MMP3: variants seen among roughly 807,000 people sequenced by gnomAD.
MMP3 encodes stromelysin-1.
MMP3 carries 46 observed loss-of-function variants against 47.3 expected under a neutral mutation model. That is an observed-to-expected ratio of 0.97 (90% CI 0.77 to 1.24). MMP3 has a LOEUF of 1.24. Among genes scored for constraint, MMP3 ranks in the 50% most tolerant of loss-of-function variants. The pLI is 0.00. For missense variants in MMP3, 558 were observed against 565.5 expected (o/e 0.99, Z 0.13); for synonymous variants, 216 against 206.5 (o/e 1.05, Z -0.39).
intron 4 of MMP3, 65 bp from the exon 5 acceptor site, chr11:102,840,658 C>T: frequency 6.5e-7 from 1 of 1,534,820 alleles, no homozygotes; most frequent in South Asian, 1.2e-5. Context: ...CACAGGTCTG[C>T]TGTGCATTGT....
rs782328545 is a variant in MMP3 at position 102,836,189 on chromosome 11, C to T, written c.1371G>A (p.Glu457=). 3.7e-6 allele frequency: 6 copies of T among 1,613,850 alleles called. No individual in the cohort carries two copies. In the East Asian group the frequency reaches 1.3e-4, roughly 36 times the overall value. The change falls in exon 10 of 10, where the codon GAG becomes GAA. Residue 457 remains glutamate, a synonymous_variant. Transcript: ENST00000299855. This position sits in a 1 kb window ranked among gnomAD's most constrained non-coding sequence, Gnocchi z 4.6. The stretch of plus-strand genomic sequence containing the variant: ...TCACTTTCTTTGCATTTGGGTCAAA[C>T]TCCAACTGTGAAGATCCAGTAAAGA... ...FYFFTGSSQL[E]FDPNAKKVTH... is the part of the protein sequence containing the mutation.
At chr11:102,838,476 TG>T in intron 8 of MMP3, 74 bp downstream of exon 8, 2 of 1,472,562 alleles carry the variant, frequency 1.4e-6, no homozygotes, top group Non-Finnish European at 1.8e-6. Flanking sequence ...AAGGTTGGGG[TG>T]GGGGATTTCC....
At position 102,837,413 on chromosome 11, in the gene MMP3, A is replaced by G; in HGVS notation, c.1230-12T>C. 6.3e-7 allele frequency: 1 copy of G among 1,597,906 alleles called. No individual in the cohort carries two copies. The highest frequency in any genetic ancestry group is 1.3e-5 in the African/African-American group (1 of 74,710). On this transcript the variant is annotated splice_polypyrimidine_tract_variant and intron_variant, in intron 8 of 9. Transcript: ENST00000299855. The surrounding 1 kb of genome is among the most constrained non-coding windows in gnomAD (Gnocchi z 4.4). The stretch of plus-strand genomic sequence containing the variant: ...TCTTCTCATCAAATCTGTACCAAGT[A>G]AAAGAAACAGCTCAGCATTGCATAG...
chr11:102,840,282 C>G (rs369173244), intron 5 of MMP3, 30 bp from the exon 6 acceptor site: 469 of 1,608,008 alleles, frequency 2.9e-4, no homozygotes, highest in Non-Finnish European at 3.7e-4. Context: ...AAATGTGATA[C>G]GTTTCAATAT....
intron 4 of MMP3, among the ~76,000 whole-genome samples, chr11:102,840,865 G>A (rs1457819747): frequency 1.3e-5 from 2 of 149,054 alleles, no homozygotes; most frequent in African/African-American, 2.5e-5. Context: ...AGCCTCACAA[G>A]CATATTAACT....
At chr11:102,841,517 A>C (rs1555005406) in intron 4 of MMP3, among the ~76,000 whole-genome samples, 2 of 152,156 alleles carry the variant, frequency 1.3e-5, no homozygotes, top group African/African-American at 4.8e-5. Flanking sequence ...CTATTTTTTT[A>C]GAAGTAGTGT....
intron 4 of MMP3, 37 bp downstream of exon 4, chr11:102,842,117 T>A: frequency 1.3e-6 from 2 of 1,488,242 alleles, no homozygotes; most frequent in Non-Finnish European, 1.8e-6. Flanking sequence ...TATAAAAAAA[T>A]TAATGCCAAA....
In MMP3 at chr11:102,839,150, T is replaced by C. The variant is rs781939032; in HGVS notation, c.1029A>G (p.Ala343=). 1.3e-4 allele frequency: 213 copies of C among 1,614,018 alleles called. No individual in the cohort carries two copies. Among genetic ancestry groups the C allele is most frequent in the Non-Finnish European group, 1.7e-4 (200 of 1,179,992 alleles). ...CGAGGTCCTTGCTAGTAACTTCATATGCGGCATCCACGCCTGAAGGAAGAG... is the reference window on the plus strand; with the variant it reads ...CGAGGTCCTTGCTAGTAACTTCATACGCGGCATCCACGCCTGAAGGAAGAG... The part of the protein sequence containing the change: ...WPSLPSGVDA[A]YEVTSKDLVF... Residue 343 remains alanine, a synonymous_variant, in exon 7 of 10, where the codon GCA becomes GCG. Coordinates refer to ENST00000299855, the MANE Select transcript of MMP3 (RefSeq NM_002422.5).
At position 102,836,304 on chromosome 11, in the gene MMP3, T is replaced by C. The variant is rs533004793; in HGVS notation, c.1334-78A>G. ...TGACAATATACAAAACTCAGAATCA[T>C]AGAGAACTAAAAATAGAAAGTGTTT... On this transcript the variant is annotated intron_variant, in intron 9 of 9. Transcript: ENST00000299855. The surrounding 1 kb of genome is among the most constrained non-coding windows in gnomAD (Gnocchi z 4.6). 54 of 1,103,418 alleles carry C rather than the reference T, an allele frequency of 4.9e-5. No homozygotes were observed. The Admixed American group carries it at 5.8e-4, about 12-fold the overall frequency. The allele number at this position is 1,103,418 out of a possible 1,614,324, so 68.4% of individuals were successfully genotyped here.
intron 6 of MMP3, among the ~76,000 whole-genome samples, 198 bp from the exon 7 acceptor site, chr11:102,839,441 G>A (rs1285867241): frequency 6.6e-6 from 1 of 152,154 alleles, no homozygotes; most frequent in Non-Finnish European, 1.5e-5. Context: ...TCCCGTCATA[G>A]GTTTCCAGAG....
In MMP3 at chr11:102,842,773, A is replaced by G. The variant is rs114749974; in HGVS notation, c.249T>C (p.Thr83=). The part of the protein sequence containing the change: ...LEVTGKLDSD[T]LEVMRKPRCG... Reference sequence around the variant, plus strand: ...ACCTGGGCTTGCGCATCACCTCCAGAGTGTCGGAGTCCAGCTTCCCCGTCA... The same window carrying G: ...ACCTGGGCTTGCGCATCACCTCCAGGGTGTCGGAGTCCAGCTTCCCCGTCA... The change falls in exon 2 of 10, where the codon ACT becomes ACC. Residue 83 remains threonine, a synonymous_variant. Coordinates refer to ENST00000299855, the MANE Select transcript of MMP3 (RefSeq NM_002422.5). 5.5e-4 allele frequency: 889 copies of G among 1,613,942 alleles called. 8 individuals carry two copies. In the African/African-American group the frequency reaches 0.011, roughly 20 times the overall value.
chr11:102,837,565 G>T lies in MMP3; in HGVS notation c.1230-164C>A, dbSNP rs1858905604. On this transcript the variant is annotated intron_variant, in intron 8 of 9. Coordinates refer to ENST00000299855, the MANE Select transcript of MMP3 (RefSeq NM_002422.5). This position sits in a 1 kb window ranked among gnomAD's most constrained non-coding sequence, Gnocchi z 4.4. The stretch of plus-strand genomic sequence containing the variant: ...AGAAATATGTGACTTTAATGGTACT[G>T]TAAAGAGTTCTGAAAGCCATATCTC... 6.6e-6 allele frequency among the ~76,000 whole-genome samples: 1 copy of T among 152,112 alleles called. No homozygotes were observed. Among genetic ancestry groups the T allele is most frequent in the African/African-American group, 2.4e-5 (1 of 41,438 alleles).
Position 102,840,429 on chromosome 11 carries a change from C to T in MMP3, c.790G>A (p.Gly264Arg), listed in dbSNP as rs1565225315. Reference protein sequence around the residue: ...DDINGIQSLYGPPPDSPETPL... With the variant: ...DDINGIQSLYRPPPDSPETPL... ...GGCTGATTTTCCCAGTGTCACTCAC[C>T]ATAGAGGGACTGAATGCCATTTATA... is the stretch of plus-strand genomic sequence containing the variant. Residue 264 changes from glycine (G) to arginine (R), a missense_variant and splice_region_variant, in exon 5 of 10, where the codon GGA (glycine) becomes AGA (arginine). Coordinates refer to ENST00000299855, the MANE Select transcript of MMP3 (RefSeq NM_002422.5). The T allele has an allele frequency of 6.2e-7, 1 of 1,613,614 alleles. No homozygotes were observed.
rs1858871533 is a variant in MMP3 at position 102,835,906 on chromosome 11, C to T, written c.*220G>A. On this transcript the variant is annotated 3_prime_UTR_variant, in exon 10 of 10. Transcript: ENST00000299855. ...CTTCCCCTTCTCTTGGGAAAGATCA[C>T]TCTATGTGACAAGGTGCAAGCTAAG... The T allele has an allele frequency of 1.0e-5, 5 of 491,886 alleles. No homozygotes were observed. The highest frequency in any genetic ancestry group is 6.8e-5 in the Admixed American group (2 of 29,600). The allele number at this position is 491,886 out of a possible 1,614,324, so 30.5% of individuals were successfully genotyped here. A position where few individuals can be genotyped will look rare whatever the true frequency, so the allele number is the denominator to read the frequency against.
chr11:102,842,403 G>GTTTTTTTTTTTT, intron 3 of MMP3, 28 bp downstream of exon 3: 3 of 918,296 alleles, frequency 3.3e-6, no homozygotes, highest in African/African-American at 7.5e-5. Flanking sequence ...GTTTTGTTTT[G>GTTTTTTTTTTTT]CTTTTTTTTT....
In MMP3 at chr11:102,836,117, A is replaced by G. The variant is rs781803923; in HGVS notation, c.*9T>C. The G allele has an allele frequency of 1.9e-6, 3 of 1,604,480 alleles. No homozygotes were observed. Among genetic ancestry groups the G allele is most frequent in the African/African-American group, 1.3e-5 (1 of 74,792 alleles). ...AAAGTGCCCATATTGTGCCTTCTAC[A>G]TATCTCTTTCAACAATTAAGCCAGC... is the stretch of plus-strand genomic sequence containing the variant. On this transcript the variant is annotated 3_prime_UTR_variant, in exon 10 of 10. Transcript: ENST00000299855. The surrounding 1 kb of genome is among the most constrained non-coding windows in gnomAD (Gnocchi z 4.6).
In MMP3 at chr11:102,843,600, G is replaced by T; in HGVS notation, c.-54C>A. On this transcript the variant is annotated 5_prime_UTR_variant, in exon 1 of 10. Transcript: ENST00000299855. ...GTCTCTATGCCTTGCTGTCTTGCCT[G>T]CCTCCTTGTAGGTCCAACCTCGGGA... 1 of 1,454,934 alleles carries T rather than the reference G, an allele frequency of 6.9e-7. No homozygotes were observed. Among genetic ancestry groups the T allele is most frequent in the Non-Finnish European group, 9.5e-7 (1 of 1,047,930 alleles). 90.1% of individuals were successfully genotyped at this position (1,454,934 alleles called of 1,614,324 possible).
Position 102,836,312 on chromosome 11 carries a change from T to A in MMP3, c.1334-86A>T. ...TACAAAACTCAGAATCATAGAGAAC[T>A]AAAAATAGAAAGTGTTTATAGAGCT... On this transcript the variant is annotated intron_variant, in intron 9 of 9. Transcript: ENST00000299855. The surrounding 1 kb of genome is among the most constrained non-coding windows in gnomAD (Gnocchi z 4.6). 1 of 1,033,070 alleles carries A rather than the reference T, an allele frequency of 9.7e-7. No homozygotes were observed. Among genetic ancestry groups the A allele is most frequent in the Non-Finnish European group, 1.5e-6 (1 of 669,674 alleles). 64.0% of individuals were successfully genotyped at this position (1,033,070 alleles called of 1,614,324 possible).
chr11:102,841,580 TAC>T lies in MMP3; in HGVS notation c.625+572_625+573del, dbSNP rs552151903. Among the ~76,000 whole-genome samples, 250 of 152,272 alleles carry T rather than the reference TAC, an allele frequency of 1.6e-3. 1 individual carries two copies. Among genetic ancestry groups the T allele is most frequent in the Non-Finnish European group, 2.9e-3 (197 of 68,004 alleles). On this transcript the variant is annotated intron_variant, in intron 4 of 9. Transcript: ENST00000299855. ...ACTTTGGATGTCATTCCCCAAAACA[TAC>T]AGTTATGAACTGAGAAACATTCTTC...
Sources: gnomAD v4.1 joint callset for allele counts (sites outside exome capture counted in the v4.1 genomes callset) on GRCh38, gnomAD v4.1.1 for gene constraint, Gnocchi (gnomAD v3.1) non-coding constraint, MANE v1.5 for transcripts, NCBI Gene and HGNC (gene_info 2026-07-23, HGNC 2026-07-21) for gene names.